Variants in SIAE observed in about 807,000 individuals in gnomAD.
SIAE encodes sialic acid acetylesterase.
SIAE carries 39 observed loss-of-function variants against 52.6 expected under a neutral mutation model. The ratio of observed to expected loss-of-function variants is 0.74; its 90% CI spans 0.57 to 0.97. The LOEUF (loss-of-function observed/expected upper bound fraction) is 0.97, where lower values mean the gene tolerates loss of function less well. Among genes scored for constraint, SIAE ranks in the 50% least tolerant of loss-of-function variants. SIAE has a pLI of 0.00. For missense variants in SIAE, 592 were observed against 662.1 expected, an observed-to-expected ratio of 0.89 and a Z score of 1.16; for synonymous variants, 233 against 241.4, an observed-to-expected ratio of 0.97 and a Z score of 0.32.
rs1182499476 is a variant in SIAE at position 124,634,479 on chromosome 11, T to A, written c.*2472A>T. The A allele has an allele frequency of 6.6e-6, 1 of 152,112 alleles. No individual in the cohort carries two copies. Among genetic ancestry groups the A allele is most frequent in the Non-Finnish European group, 1.5e-5 (1 of 68,026 alleles). 9.4% of individuals were successfully genotyped at this position (152,112 alleles called of 1,614,324 possible). A position where few individuals can be genotyped will look rare whatever the true frequency, so the allele number is the denominator to read the frequency against. On this transcript the variant is annotated 3_prime_UTR_variant, in exon 10 of 10. Transcript: ENST00000263593. Reference sequence around the variant, plus strand: ...GAGGGCAAAAAAAGGACTACCTTGGTGAGAATGTAAGTTGTTTAATCCTTT... The same window carrying A: ...GAGGGCAAAAAAAGGACTACCTTGGAGAGAATGTAAGTTGTTTAATCCTTT...
At chr11:124,642,807 G>A (rs1385269551) in intron 7 of SIAE, among the ~76,000 whole-genome samples, 1 of 152,238 alleles carries the variant, frequency 6.6e-6, no homozygotes, top group Non-Finnish European at 1.5e-5. Context: ...TCAAAAGGGA[G>A]AGTATCATGG....
chr11:124,654,085 G>C (rs1188471929), intron 4 of SIAE: 1 of 305,480 alleles, frequency 3.3e-6, no homozygotes, highest in Non-Finnish European at 4.8e-6. Flanking sequence ...GCTGAGGCAG[G>C]GGAATCACTT....
chr11:124,656,873 G>A (rs1282102912), intron 3 of SIAE, among the ~76,000 whole-genome samples: 2 of 152,162 alleles, frequency 1.3e-5, no homozygotes, highest in African/African-American at 4.8e-5. Context: ...AGGCACAGGA[G>A]GCCGGGTACG....
chr11:124,658,458 A>T (rs940768584), intron 3 of SIAE, among the ~76,000 whole-genome samples: 3 of 151,928 alleles, frequency 2.0e-5, no homozygotes, highest in African/African-American at 7.3e-5. Context: ...CTATTTGTAA[A>T]GTAGGAATGT....
intron 7 of SIAE, among the ~76,000 whole-genome samples, chr11:124,642,847 C>T (rs888075100): frequency 6.6e-6 from 1 of 152,250 alleles, no homozygotes; most frequent in Non-Finnish European, 1.5e-5. Flanking sequence ...TGAGTCCTTT[C>T]AAAGAGGGTC....
At chr11:124,669,589 A>C in intron 1 of SIAE, 68 bp from the exon 2 acceptor site, 1 of 1,345,850 alleles carries the variant, frequency 7.4e-7, no homozygotes, top group Non-Finnish European at 1.1e-6. Flanking sequence ...GATCAAGTGA[A>C]ACAGCAAAGA....
At chr11:124,639,969 GC>G (rs1456805957) in intron 7 of SIAE, 102 bp from the exon 8 acceptor site, 3 of 1,351,510 alleles carry the variant, frequency 2.2e-6, no homozygotes, top group Non-Finnish European at 3.1e-6. Flanking sequence ...GCATTTAAAT[GC>G]TCATTCAACA....
chr11:124,648,219 T>TG (rs1412901577), intron 5 of SIAE, 44 bp from the exon 6 acceptor site: 3 of 1,475,354 alleles, frequency 2.0e-6, no homozygotes, highest in African/African-American at 1.4e-5. Flanking sequence ...AGCCAGTGAT[T>TG]GATCACATAA....
intron 2 of SIAE, among the ~76,000 whole-genome samples, chr11:124,668,828 C>T (rs745608130): frequency 2.6e-5 from 4 of 152,166 alleles, no homozygotes; most frequent in Admixed American, 1.3e-4. Context: ...CAAAGAACTG[C>T]TGGTTCTAAT....
rs766809464 is a variant in SIAE, at chr11:124,649,672, A to G, written c.669T>C (p.Ile223=). The change falls in exon 5 of 10, where the codon ATT becomes ATC. Residue 223 remains isoleucine, a synonymous_variant. Coordinates refer to ENST00000263593, the MANE Select transcript of SIAE (RefSeq NM_170601.5). ...GTGACCGTCCAGATGACCAGGCTTC[A>G]ATGGGTGTCCCGCCCCAGCTGGAGG... ...LIASSWGGTP[I]EAWSSGRSLK... 45 of 1,614,184 alleles carry G rather than the reference A, an allele frequency of 2.8e-5. No homozygotes were observed. Among genetic ancestry groups the G allele is most frequent in the Non-Finnish European group, 3.6e-5 (42 of 1,180,038 alleles).
upstream of SIAE, chr11:124,674,147 C>T (rs1425911312): frequency 1.0e-5 from 2 of 200,830 alleles, no homozygotes; most frequent in African/African-American, 4.7e-5. Flanking sequence ...GCCCCCTCCG[C>T]CCGCCCTCCT....
At chr11:124,654,079 A>G in intron 4 of SIAE, 1 of 271,870 alleles carries the variant, frequency 3.7e-6, no homozygotes, top group Non-Finnish European at 5.6e-6. Context: ...CGGGAGGCTG[A>G]GGCAGGGGAA....
intron 7 of SIAE, among the ~76,000 whole-genome samples, chr11:124,642,479 G>A (rs536527418): frequency 6.6e-5 from 10 of 152,186 alleles, no homozygotes; most frequent in Non-Finnish European, 1.3e-4. Flanking sequence ...CATATCCTAT[G>A]AGAAAGTGAC....
At chr11:124,647,584 G>C (rs987917365) in intron 6 of SIAE, 86 bp from the exon 7 acceptor site, 2 of 1,513,894 alleles carry the variant, frequency 1.3e-6, no homozygotes, top group Admixed American at 1.7e-5. Context: ...TCCATGCCCT[G>C]AGGTAGTGGT....
chr11:124,652,710 A>C (rs1943034661), intron 4 of SIAE, among the ~76,000 whole-genome samples: 1 of 148,694 alleles, frequency 6.7e-6, no homozygotes, highest in African/African-American at 2.6e-5. Context: ...AAAAAAAAAA[A>C]AGGGGGAAGA....
intron 7 of SIAE, among the ~76,000 whole-genome samples, chr11:124,640,106 G>A (rs1942821096): frequency 6.6e-6 from 1 of 152,192 alleles, no homozygotes; most frequent in South Asian, 2.1e-4. Flanking sequence ...AGCGGGGTCT[G>A]TTTCTCTTCC....
chr11:124,636,924 A>C lies in SIAE; in HGVS notation c.*27T>G. On this transcript the variant is annotated 3_prime_UTR_variant, in exon 10 of 10. Coordinates refer to ENST00000263593, the MANE Select transcript of SIAE (RefSeq NM_170601.5). ...TAAAATCTGAAGGACCCATCCTTAT[A>C]TCTAAGTTCTGATCATACTGAAACA... 1 of 1,614,142 alleles carries C rather than the reference A, an allele frequency of 6.2e-7. No homozygotes were observed. The highest frequency in any genetic ancestry group is 8.5e-7 in the Non-Finnish European group (1 of 1,180,022).
chr11:124,635,318 C>T lies in SIAE; in HGVS notation c.*1633G>A, dbSNP rs1942704026. On this transcript the variant is annotated 3_prime_UTR_variant, in exon 10 of 10. Transcript: ENST00000263593. ...TGAACGAGTTGAATGCTAGGAAGTCCTCAGGGGAGCCAACGTTCCTTGTAA... is the reference window on the plus strand; with the variant it reads ...TGAACGAGTTGAATGCTAGGAAGTCTTCAGGGGAGCCAACGTTCCTTGTAA... 6.6e-6 allele frequency: 1 copy of T among 152,136 alleles called. No homozygotes were observed. The highest frequency in any genetic ancestry group is 2.4e-5 in the African/African-American group (1 of 41,422). 9.4% of individuals were successfully genotyped at this position (152,136 alleles called of 1,614,324 possible). A position where few individuals can be genotyped will look rare whatever the true frequency, so the allele number is the denominator to read the frequency against.
intron 9 of SIAE, 142 bp from the exon 10 acceptor site, chr11:124,637,344 C>A: frequency 8.9e-7 from 1 of 1,126,160 alleles, no homozygotes; most frequent in Non-Finnish European, 1.3e-6. Flanking sequence ...GCAGAACAAA[C>A]CTGAGCCCAC....
Sources: allele counts gnomAD v4.1 joint callset (sites outside exome capture counted in the v4.1 genomes callset), GRCh38; gene constraint gnomAD v4.1.1; transcripts MANE v1.5; gene names NCBI Gene and HGNC (gene_info 2026-07-23, HGNC 2026-07-21).